NRXN1: variants seen among roughly 807,000 people sequenced by gnomAD.
The protein encoded by NRXN1 is neurexin-1.
NRXN1 carries 39 observed loss-of-function variants against 150.9 expected under a neutral mutation model. That is an observed-to-expected ratio of 0.26 (90% CI 0.20 to 0.34). The LOEUF (loss-of-function observed/expected upper bound fraction) is 0.34. NRXN1 is among the 10% of genes least tolerant of loss of function. The pLI, the probability that NRXN1 is intolerant of heterozygous loss-of-function variation, is 1.00. For missense variants in NRXN1, 1,815 were observed against 1,949.9 expected (o/e 0.93, Z 1.30); for synonymous variants, 924 against 757.0 (o/e 1.22, Z -3.62).
chr2:50,983,121 CAGA>C (rs1422029580), intron 2 of NRXN1, among the ~76,000 whole-genome samples: 1 of 152,008 alleles, frequency 6.6e-6, no homozygotes, highest in Non-Finnish European at 1.5e-5. Flanking sequence ...TTCCAAATCA[CAGA>C]AGATTTACTA....
chr2:49,988,572 C>A (rs1681357070), intron 21 of NRXN1, among the ~76,000 whole-genome samples: 1 of 145,936 alleles, frequency 6.9e-6, no homozygotes. Context: ...TTCTCTTAGA[C>A]ATTTTACCCT....
At chr2:50,929,864 A>C in intron 2 of NRXN1, among the ~76,000 whole-genome samples, 1 of 151,942 alleles carries the variant, frequency 6.6e-6, no homozygotes, top group East Asian at 1.9e-4. Flanking sequence ...CCTTTAAAAA[A>C]CCTCAATAGT....
chr2:50,975,883 G>A (rs956669528), intron 2 of NRXN1, among the ~76,000 whole-genome samples: 1 of 152,058 alleles, frequency 6.6e-6, no homozygotes, highest in African/African-American at 2.4e-5. Context: ...GTTAGGGGAA[G>A]AAGAAATTGT....
chr2:50,741,444 G>T (rs150697435), intron 5 of NRXN1, among the ~76,000 whole-genome samples: 186 of 152,234 alleles, frequency 1.2e-3, no homozygotes, highest in African/African-American at 4.3e-3. Flanking sequence ...TACAAGAAAA[G>T]AATAATCATT....
In NRXN1 at chr2:50,911,214, C is replaced by T. The variant is rs535226826; in HGVS notation, c.832+10655G>A. 7.9e-5 allele frequency among the ~76,000 whole-genome samples: 12 copies of T among 151,750 alleles called. No individual in the cohort carries two copies. The South Asian group carries it at 1.0e-3, about 13-fold the overall frequency. The stretch of plus-strand genomic sequence containing the variant: ...TTGCCCTCTCAGGCTGCTGTCATTA[C>T]TCTTTCACATCTATTTCTACTTGGA... On this transcript the variant is annotated intron_variant, in intron 5 of 22. Coordinates refer to ENST00000401669, the MANE Select transcript of NRXN1 (RefSeq NM_001330078.2).
At chr2:50,885,503 A>T (rs1680096156) in intron 5 of NRXN1, among the ~76,000 whole-genome samples, 1 of 151,336 alleles carries the variant, frequency 6.6e-6, no homozygotes, top group African/African-American at 2.4e-5. Context: ...AGAAAATCTC[A>T]TCAAAGTGCT....
At chr2:50,221,095 G>A (rs1466324826) in intron 18 of NRXN1, among the ~76,000 whole-genome samples, 3 of 152,072 alleles carry the variant, frequency 2.0e-5, no homozygotes, top group East Asian at 3.9e-4. Context: ...ATAGTTATCT[G>A]TGCTGTGTGT....
chr2:50,988,322 T>C (rs1698025829), intron 2 of NRXN1, among the ~76,000 whole-genome samples: 1 of 152,022 alleles, frequency 6.6e-6, no homozygotes, highest in South Asian at 2.1e-4. Context: ...TAATATAGAC[T>C]TTAGATGCAA....
At chr2:50,613,567 A>G (rs1363850580) in intron 8 of NRXN1, among the ~76,000 whole-genome samples, 1 of 152,206 alleles carries the variant, frequency 6.6e-6, no homozygotes, top group Non-Finnish European at 1.5e-5. Flanking sequence ...CCAATGCATG[A>G]GTACTTGAGT....
intron 7 of NRXN1, chr2:50,620,958 G>A (rs960257275): frequency 2.2e-5 from 9 of 411,602 alleles, no homozygotes; most frequent in Non-Finnish European, 3.9e-5. Flanking sequence ...GTCTTATCCC[G>A]TGTTAACCAC....
At chr2:50,101,796 C>A (rs1394198766) in intron 18 of NRXN1, among the ~76,000 whole-genome samples, 1 of 151,922 alleles carries the variant, frequency 6.6e-6, no homozygotes, top group Admixed American at 6.6e-5. Flanking sequence ...TCATGACTTG[C>A]AACCTAAAAA....
intron 17 of NRXN1, among the ~76,000 whole-genome samples, chr2:50,339,857 A>G (rs2077434842): frequency 6.6e-6 from 1 of 152,190 alleles, no homozygotes; most frequent in Admixed American, 6.5e-5. Flanking sequence ...ATTGACTTGA[A>G]ATTCTTAATA....
At chr2:50,056,157 AATGTTGAATGGTAGCACT>A (rs1207349844) in intron 19 of NRXN1, among the ~76,000 whole-genome samples, 13 of 152,160 alleles carry the variant, frequency 8.5e-5, no homozygotes, top group African/African-American at 2.9e-4. Flanking sequence ...AGGTGAAAGA[AATGTTGAATGGTAGCACT>A]ATCTGCATAA....
intron 17 of NRXN1, among the ~76,000 whole-genome samples, chr2:50,320,730 G>A (rs769686415): frequency 6.6e-6 from 1 of 152,050 alleles, no homozygotes; most frequent in Non-Finnish European, 1.5e-5. Flanking sequence ...ATAAGTAGGG[G>A]CTATGACCGT....
In NRXN1 at chr2:50,674,721, G is replaced by A. The variant is rs191451846; in HGVS notation, c.833-51106C>T. On this transcript the variant is annotated intron_variant, in intron 5 of 22. Coordinates refer to ENST00000401669, the MANE Select transcript of NRXN1 (RefSeq NM_001330078.2). ...TGGTAAAAGTTGAAAATGACTCCCA[G>A]GTTTTTAGCTTGGGTGAATAATGGT... is the stretch of plus-strand genomic sequence containing the variant. Among the ~76,000 whole-genome samples the A allele has an allele frequency of 2.4e-3, 365 of 152,166 alleles. 6 individuals are homozygous for A. The highest frequency in any genetic ancestry group is 0.022 in the Admixed American group (333 of 15,262).
intron 5 of NRXN1, among the ~76,000 whole-genome samples, chr2:50,650,132 A>G (rs990165968): frequency 6.6e-6 from 1 of 152,058 alleles, no homozygotes; most frequent in Non-Finnish European, 1.5e-5. Flanking sequence ...GTCTGTTCTG[A>G]TAATAATGTA....
intron 5 of NRXN1, among the ~76,000 whole-genome samples, chr2:50,771,642 C>T (rs117030029): frequency 6.6e-6 from 1 of 151,968 alleles, no homozygotes; most frequent in Non-Finnish European, 1.5e-5. Flanking sequence ...AGATGGGTTG[C>T]GGGTAAGAAT....
chr2:50,231,475 G>C (rs901313061), intron 18 of NRXN1, among the ~76,000 whole-genome samples: 3 of 152,048 alleles, frequency 2.0e-5, no homozygotes, highest in African/African-American at 7.2e-5. Flanking sequence ...TAAAACCAAT[G>C]ATCAAAAGGC....
At chr2:50,925,299 A>C (rs1686694927) in intron 3 of NRXN1, among the ~76,000 whole-genome samples, 1 of 151,864 alleles carries the variant, frequency 6.6e-6, no homozygotes, top group African/African-American at 2.4e-5. Flanking sequence ...TAACTTCTTC[A>C]AAATTCCTTG....
Sources: gnomAD v4.1 joint callset for allele counts (sites outside exome capture counted in the v4.1 genomes callset) on GRCh38, gnomAD v4.1.1 for gene constraint, MANE v1.5 for transcripts, NCBI Gene and HGNC (gene_info 2026-07-23, HGNC 2026-07-21) for gene names.